The following CAST variants were observed in gnomAD, a reference collection of about 807,000 sequenced individuals.
The protein encoded by CAST is MIR583 host.
A neutral mutation model predicts 119.6 loss-of-function variants in CAST; 76 were observed. The ratio of observed to expected loss-of-function variants is 0.64; its 90% CI spans 0.53 to 0.77. The LOEUF is 0.77. Among genes scored for constraint, CAST ranks in the 30% least tolerant of loss-of-function variants. The probability of loss-of-function intolerance (pLI) is 0.00; values close to 1 mark genes in which losing one functional copy is unlikely to be tolerated. For missense variants in CAST, 953 were observed against 946.5 expected (o/e 1.01, Z -0.09); for synonymous variants, 319 against 331.6 (o/e 0.96, Z 0.41).
chr5:96,708,622 C>A (rs1215703407), intron 3 of CAST, among the ~76,000 whole-genome samples: 1 of 152,150 alleles, frequency 6.6e-6, no homozygotes, highest in Non-Finnish European at 1.5e-5. Flanking sequence ...TCCCAAGTAG[C>A]TAGGACCACA....
intron 13 of CAST, chr5:96,740,990 G>A: frequency 1.7e-6 from 1 of 595,934 alleles, no homozygotes. Flanking sequence ...AGGGAAAGGA[G>A]AAAGAAGGCG....
chr5:96,059,042 T>C, the CAST span, among the ~76,000 whole-genome samples: 1 of 152,098 alleles, frequency 6.6e-6, no homozygotes, highest in Non-Finnish European at 1.5e-5. Flanking sequence ...CAGCTCTCCC[T>C]AAACCTCCTG....
At chr5:96,420,316 G>A in the CAST span, among the ~76,000 whole-genome samples, 3 of 152,176 alleles carry the variant, frequency 2.0e-5, no homozygotes, top group Non-Finnish European at 4.4e-5. Flanking sequence ...CCCCAAAAGA[G>A]TAGATGTCCT....
chr5:96,616,302 T>A (rs1266200414), intron 1 of CAST, among the ~76,000 whole-genome samples: 1 of 152,224 alleles, frequency 6.6e-6, no homozygotes, highest in Non-Finnish European at 1.5e-5. Flanking sequence ...CATCTAAGCA[T>A]GGAAGTGATG....
the CAST span, among the ~76,000 whole-genome samples, chr5:96,241,903 A>T: frequency 7.1e-6 from 1 of 140,510 alleles, no homozygotes; most frequent in African/African-American, 2.6e-5. Flanking sequence ...CCACTTTTTG[A>T]TGGGGTTGTT....
the CAST span, among the ~76,000 whole-genome samples, chr5:96,239,663 C>T: frequency 1.3e-5 from 2 of 151,912 alleles, no homozygotes; most frequent in African/African-American, 4.8e-5. Flanking sequence ...CCTATTGTTT[C>T]TATCTCATTT....
At chr5:96,311,906 A>T in the CAST span, among the ~76,000 whole-genome samples, 1 of 152,034 alleles carries the variant, frequency 6.6e-6, no homozygotes, top group Non-Finnish European at 1.5e-5. Flanking sequence ...ATCCATTTAC[A>T]TTCAGGTAAT....
chr5:96,446,625 C>T, the CAST span, among the ~76,000 whole-genome samples: 1 of 152,148 alleles, frequency 6.6e-6, no homozygotes, highest in Non-Finnish European at 1.5e-5. Flanking sequence ...AAATTTAAAT[C>T]TCACTGTGGA....
chr5:96,491,507 A>T, the CAST span, among the ~76,000 whole-genome samples: 2 of 102,022 alleles, frequency 2.0e-5, no homozygotes, highest in Middle Eastern at 5.5e-3. Flanking sequence ...AAAAAAAAAA[A>T]AAAAAAAAAA....
rs1280411562 is a variant in CAST at position 96,771,664 on chromosome 5, G to C, written c.2361G>C (p.Lys787Asn). The change falls in exon 31 of 32, where the codon AAG becomes AAC. Residue 787 changes from lysine to asparagine, a missense_variant. Physicochemically the swap from Lys to Asn is moderately conservative, Grantham distance 94 (BLOSUM62 0). Coordinates refer to ENST00000675179, the MANE Select transcript of CAST (RefSeq NM_001750.7). The part of the protein sequence containing the change: ...DSAKTTEETS[K>N]PKDD ...TTTAGACAACAGAGGAAACTTCCAAGCCAAAAGATGACTAAAGAAATACAA... is the reference window on the plus strand; with the variant it reads ...TTTAGACAACAGAGGAAACTTCCAACCCAAAAGATGACTAAAGAAATACAA... 9.3e-6 allele frequency: 15 copies of C among 1,611,812 alleles called. No homozygotes were observed. Among genetic ancestry groups the C allele is most frequent in the Non-Finnish European group, 1.3e-5 (15 of 1,178,520 alleles).
At chr5:96,071,686 C>T in the CAST span, among the ~76,000 whole-genome samples, 134 of 152,208 alleles carry the variant, frequency 8.8e-4, no homozygotes, top group African/African-American at 3.1e-3. Flanking sequence ...TTTTACTCCC[C>T]GGATTATGGT....
In CAST at chr5:96,726,790, T is replaced by G. The variant is rs780467154; in HGVS notation, c.271-4T>G. ...TTATACCTGGGGCTGTGCTCTTATA[T>G]TAGGCCATTCCAGTCAGCCAACAGA... On this transcript the variant is annotated splice_polypyrimidine_tract_variant and splice_region_variant and intron_variant, in intron 4 of 31. Transcript: ENST00000675179. The G allele has an allele frequency of 4.3e-6, 7 of 1,609,252 alleles. No individual in the cohort carries two copies. The East Asian group carries it at 1.6e-4, about 36-fold the overall frequency.
the CAST span, among the ~76,000 whole-genome samples, chr5:96,377,227 TAA>T: frequency 1.3e-5 from 2 of 151,984 alleles, no homozygotes; most frequent in Non-Finnish European, 2.9e-5. Context: ...TACAAGAAGC[TAA>T]GTTTAATTTA....
At chr5:95,971,086 T>G in the CAST span, among the ~76,000 whole-genome samples, 2 of 152,170 alleles carry the variant, frequency 1.3e-5, no homozygotes, top group African/African-American at 4.8e-5. Flanking sequence ...TTCAATAGCA[T>G]AGAAAGCCAA....
the CAST span, among the ~76,000 whole-genome samples, chr5:96,245,414 T>G: frequency 6.6e-6 from 1 of 152,200 alleles, no homozygotes; most frequent in Admixed American, 6.5e-5. Context: ...GTTCTAACAC[T>G]CATAACAGGG....
chr5:96,768,046 ATG>A, intron 29 of CAST, 47 bp downstream of exon 29: 2 of 1,148,544 alleles, frequency 1.7e-6, no homozygotes, highest in Non-Finnish European at 2.6e-6. Context: ...GTGTGTGTGT[ATG>A]TGTACATACA....
At chr5:96,425,500 AT>A in the CAST span, among the ~76,000 whole-genome samples, 1 of 152,190 alleles carries the variant, frequency 6.6e-6, no homozygotes, top group Non-Finnish European at 1.5e-5. Flanking sequence ...ACCAAATGAG[AT>A]TTTTGCCACA....
chr5:96,139,854 T>G, the CAST span, among the ~76,000 whole-genome samples: 10 of 152,172 alleles, frequency 6.6e-5, 1 homozygote, highest in Admixed American at 5.9e-4. Context: ...TTTATTGCAG[T>G]AAAACTTTAA....
At chr5:96,238,226 A>C in the CAST span, among the ~76,000 whole-genome samples, 4 of 152,178 alleles carry the variant, frequency 2.6e-5, no homozygotes, top group African/African-American at 9.6e-5. Context: ...AAAAAATGAC[A>C]TCACACTATA....
Sources: gnomAD v4.1 joint callset for allele counts (sites outside exome capture counted in the v4.1 genomes callset) on GRCh38, gnomAD v4.1.1 for gene constraint, MANE v1.5 for transcripts, NCBI Gene and HGNC (gene_info 2026-07-23, HGNC 2026-07-21) for gene names.